The following CHN2 variants were observed in gnomAD, a reference collection of about 807,000 sequenced individuals.
CHN2 encodes chimerin 2, also known as beta-chimaerin.
A neutral mutation model predicts 56.3 loss-of-function variants in CHN2; 35 were observed. The ratio of observed to expected loss-of-function variants is 0.62; its 90% confidence interval spans 0.47 to 0.82. The LOEUF (loss-of-function observed/expected upper bound fraction) is 0.82. Among genes scored for constraint, CHN2 ranks in the 40% least tolerant of loss-of-function variants. The pLI, the probability that CHN2 is intolerant of heterozygous loss-of-function variation, is 0.00. For synonymous variants in CHN2, 210 were observed against 212.8 expected (o/e 0.99, Z 0.12); for missense variants, 491 against 580.5 (o/e 0.85, Z 1.58).
At chr7:29,322,513 T>G (rs537115644) in intron 1 of CHN2, among the ~76,000 whole-genome samples, 1 of 152,294 alleles carries the variant, frequency 6.6e-6, no homozygotes, top group Non-Finnish European at 1.5e-5. Flanking sequence ...CCTCACCTAG[T>G]AGGAGTATTG....
chr7:29,436,445 G>T (rs888161825), intron 6 of CHN2, among the ~76,000 whole-genome samples: 1 of 152,118 alleles, frequency 6.6e-6, no homozygotes, highest in African/African-American at 2.4e-5. Flanking sequence ...TGGGAAAAAA[G>T]CTGCCAACTT....
At chr7:29,507,425 C>T in intron 11 of CHN2, 60 bp downstream of exon 11, 3 of 1,280,140 alleles carry the variant, frequency 2.3e-6, no homozygotes, top group Non-Finnish European at 3.3e-6. Flanking sequence ...TGCTTTTGAC[C>T]TTCAGATAAT....
chr7:29,334,952 C>T (rs7781480), intron 1 of CHN2, among the ~76,000 whole-genome samples: 105,155 of 152,094 alleles, frequency 0.69, 36,959 homozygotes, highest in Middle Eastern at 0.78. Flanking sequence ...TAAGACATTA[C>T]TGACACCCGG....
intron 1 of CHN2, among the ~76,000 whole-genome samples, chr7:29,337,728 CT>C: frequency 6.6e-6 from 1 of 152,198 alleles, no homozygotes; most frequent in Non-Finnish European, 1.5e-5. Flanking sequence ...CAGTTAGCAT[CT>C]TGCAGGTTGT....
intron 3 of CHN2, among the ~76,000 whole-genome samples, chr7:29,392,669 A>G (rs1801457558): frequency 6.6e-6 from 1 of 152,116 alleles, no homozygotes; most frequent in South Asian, 2.1e-4. Context: ...TTACCTATTC[A>G]GATCTGCATC....
Position 29,393,666 on chromosome 7 carries a change from CT to C in CHN2, c.145-8del. 1 of 882,270 alleles carries C rather than the reference CT, an allele frequency of 1.1e-6. No individual in the cohort carries two copies. Among genetic ancestry groups the C allele is most frequent in the Non-Finnish European group, 1.7e-6 (1 of 602,328 alleles). 54.7% of individuals were successfully genotyped at this position (882,270 alleles called of 1,614,324 possible). On this transcript the variant is annotated splice_polypyrimidine_tract_variant and intron_variant, in intron 3 of 12. Transcript: ENST00000222792. The stretch of plus-strand genomic sequence containing the variant: ...TCAAATGCATTATTAATTTTTTTTT[CT>C]TTTTAATATAGGTGGAAAACAGACC...
chr7:29,417,150 C>T (rs1356173120), intron 6 of CHN2, among the ~76,000 whole-genome samples: 2 of 152,176 alleles, frequency 1.3e-5, no homozygotes, highest in Non-Finnish European at 2.9e-5. Flanking sequence ...CTGAGCTGCG[C>T]CTCACTCAGT....
chr7:29,368,979 T>C (rs1266563068), intron 3 of CHN2, among the ~76,000 whole-genome samples: 1 of 152,212 alleles, frequency 6.6e-6, no homozygotes, highest in Non-Finnish European at 1.5e-5. Context: ...GTTCCATTTA[T>C]TTGGTACTCT....
intron 1 of CHN2, among the ~76,000 whole-genome samples, chr7:29,266,731 C>G (rs555724085): frequency 2.0e-4 from 31 of 152,330 alleles, no homozygotes; most frequent in South Asian, 4.2e-4. Flanking sequence ...CTCCCTGATT[C>G]TTTCCACTGT....
At chr7:29,354,000 C>T (rs569861324) in intron 1 of CHN2, among the ~76,000 whole-genome samples, 45 of 152,340 alleles carry the variant, frequency 3.0e-4, no homozygotes, top group Non-Finnish European at 5.3e-4. Flanking sequence ...ATAACAATTT[C>T]AGCCTCTCCA....
At chr7:29,217,680 T>G (rs1785447491) in intron 1 of CHN2, among the ~76,000 whole-genome samples, 1 of 152,234 alleles carries the variant, frequency 6.6e-6, no homozygotes, top group Admixed American at 6.5e-5. Flanking sequence ...TTACTGTTTT[T>G]CATTCTAGTT....
intron 1 of CHN2, among the ~76,000 whole-genome samples, chr7:29,323,801 T>C (rs1360417878): frequency 6.6e-6 from 1 of 150,536 alleles, no homozygotes; most frequent in Non-Finnish European, 1.5e-5. Context: ...ATCAAGACCA[T>C]CCTGGCTAAC....
At chr7:29,493,498 C>T (rs1297016095) in intron 7 of CHN2, among the ~76,000 whole-genome samples, 1 of 152,134 alleles carries the variant, frequency 6.6e-6, no homozygotes, top group East Asian at 1.9e-4. Context: ...ACTATGAGTT[C>T]CTGCTTGACA....
chr7:29,154,615 C>A (rs1794079648), intron 2 of CHN2, among the ~76,000 whole-genome samples: 1 of 152,284 alleles, frequency 6.6e-6, no homozygotes, highest in East Asian at 1.9e-4. Flanking sequence ...AGGCAGATTT[C>A]TTGAGGTCAG....
chr7:29,483,043 G>C (rs1229342652), intron 7 of CHN2, among the ~76,000 whole-genome samples: 2 of 151,618 alleles, frequency 1.3e-5, no homozygotes, highest in African/African-American at 4.8e-5. Flanking sequence ...AGATGGTCTC[G>C]ATCTCCTGAC....
intron 12 of CHN2, 129 bp downstream of exon 12, chr7:29,509,535 C>CT: frequency 1.5e-6 from 1 of 669,238 alleles, no homozygotes; most frequent in Non-Finnish European, 2.6e-6. Flanking sequence ...ACTCCAGGCA[C>CT]TTTCAGTGTA....
chr7:29,346,934 A>G (rs1427990001), intron 1 of CHN2, among the ~76,000 whole-genome samples: 1 of 152,184 alleles, frequency 6.6e-6, no homozygotes, highest in Non-Finnish European at 1.5e-5. Flanking sequence ...AAATGCCTGG[A>G]AGAATACAGC....
At chr7:29,146,955 C>T in exon 2 of CHN2, 1 of 1,551,078 alleles carries the variant, frequency 6.4e-7, no homozygotes, top group Non-Finnish European at 8.7e-7. Flanking sequence ...TCCAGCTGCA[C>T]TAGCAGTAAG....
intron 6 of CHN2, among the ~76,000 whole-genome samples, chr7:29,414,180 G>A (rs545955184): frequency 1.3e-5 from 2 of 152,148 alleles, no homozygotes; most frequent in Non-Finnish European, 2.9e-5. Flanking sequence ...AGTCAGTTCA[G>A]ATGAGAGGAA....
Sources: allele counts gnomAD v4.1 joint callset (sites outside exome capture counted in the v4.1 genomes callset), GRCh38; gene constraint gnomAD v4.1.1; transcripts MANE v1.5; gene names NCBI Gene and HGNC (gene_info 2026-07-23, HGNC 2026-07-21).